ADAMTSL1: variants seen among roughly 807,000 people sequenced by gnomAD.
The protein encoded by ADAMTSL1 is ADAMTS like 1.
A neutral mutation model predicts 201.8 loss-of-function variants in ADAMTSL1; 126 were observed. The observed-to-expected ratio is 0.62, with a 90% confidence interval of 0.54 to 0.72. The LOEUF (loss-of-function observed/expected upper bound fraction) is 0.72. ADAMTSL1 is among the 30% of genes least tolerant of loss of function. The pLI, the probability that ADAMTSL1 is intolerant of heterozygous loss-of-function variation, is 0.00. For synonymous variants in ADAMTSL1, 1,121 were observed against 903.4 expected (o/e 1.24, Z -4.32); for missense variants, 2,679 against 2,277.8 (o/e 1.18, Z -3.59).
chr9:18,656,869 A>G (rs2132974785), intron 7 of ADAMTSL1, among the ~76,000 whole-genome samples: 1 of 152,002 alleles, frequency 6.6e-6, no homozygotes, highest in Non-Finnish European at 1.5e-5. Context: ...CCTTCTCTTC[A>G]GTTTATGTTT....
chr9:18,872,744 G>T (rs761968019), intron 23 of ADAMTSL1, among the ~76,000 whole-genome samples: 1 of 152,120 alleles, frequency 6.6e-6, no homozygotes, highest in South Asian at 2.1e-4. Context: ...ATTGATTGAT[G>T]GGCATTTGGG....
At chr9:18,761,184 A>G (rs905295377) in intron 16 of ADAMTSL1, among the ~76,000 whole-genome samples, 2 of 152,214 alleles carry the variant, frequency 1.3e-5, no homozygotes, top group Non-Finnish European at 2.9e-5. Flanking sequence ...AAACATAAAC[A>G]TCACTTTGTG....
intron 1 of ADAMTSL1, among the ~76,000 whole-genome samples, chr9:17,959,498 A>G (rs111271613): frequency 0.032 from 4,927 of 152,014 alleles, 280 homozygotes; most frequent in African/African-American, 0.11. Flanking sequence ...TCGCTCTGTC[A>G]CCCAGGCTGG....
chr9:18,679,004 A>G (rs1830289733), intron 10 of ADAMTSL1, among the ~76,000 whole-genome samples: 1 of 152,194 alleles, frequency 6.6e-6, no homozygotes, highest in Admixed American at 6.5e-5. Context: ...ACATAGGAAA[A>G]TATTGTATTT....
chr9:18,314,568 C>G (rs928254223), intron 2 of ADAMTSL1, among the ~76,000 whole-genome samples: 1 of 151,676 alleles, frequency 6.6e-6, no homozygotes, highest in Non-Finnish European at 1.5e-5. Flanking sequence ...TCCTTCCTCC[C>G]GTCTGGAGTT....
At chr9:18,259,194 CA>C (rs1314502648) in intron 2 of ADAMTSL1, among the ~76,000 whole-genome samples, 1 of 152,168 alleles carries the variant, frequency 6.6e-6, no homozygotes, top group Non-Finnish European at 1.5e-5. Flanking sequence ...TTACCAAAGT[CA>C]TAGCTTCCAG....
intron 1 of ADAMTSL1, among the ~76,000 whole-genome samples, chr9:18,108,247 C>G (rs889828369): frequency 7.1e-6 from 1 of 141,012 alleles, no homozygotes; most frequent in Admixed American, 7.5e-5. Flanking sequence ...GTTGCCTAGG[C>G]TGGTGTACAG....
At chr9:18,381,436 A>T (rs1031373110) in intron 2 of ADAMTSL1, among the ~76,000 whole-genome samples, 34 of 152,314 alleles carry the variant, frequency 2.2e-4, no homozygotes, top group African/African-American at 7.9e-4. Flanking sequence ...TAAATGATAA[A>T]GCTATGGCTT....
chr9:18,166,282 G>T (rs1186315745), intron 2 of ADAMTSL1, among the ~76,000 whole-genome samples: 1 of 151,822 alleles, frequency 6.6e-6, no homozygotes, highest in East Asian at 1.9e-4. Flanking sequence ...TGTGTTGAGG[G>T]TTTAATCACA....
At position 18,525,099 on chromosome 9, in the gene ADAMTSL1, ATTAT is replaced by A. The variant is rs559388406; in HGVS notation, c.192-8146_192-8143del. 8.5e-3 allele frequency among the ~76,000 whole-genome samples: 1,290 copies of A among 152,258 alleles called. 15 individuals carry two copies. Among genetic ancestry groups the A allele is most frequent in the East Asian group, 0.042 (216 of 5,176 alleles). ...ACTTTTTTTGGTTGGTAGGCTATTA[ATTAT>A]TGCCTCAATTTCAGAGCCTGTTATT... On this transcript the variant is annotated intron_variant, in intron 2 of 28. Transcript: ENST00000380548.
chr9:18,328,010 C>G (rs990943730), intron 2 of ADAMTSL1, among the ~76,000 whole-genome samples: 2 of 152,134 alleles, frequency 1.3e-5, no homozygotes, highest in African/African-American at 4.8e-5. Context: ...GAAATCCACA[C>G]TGGAAAGCTT....
At chr9:18,489,072 C>T (rs1232095027) in intron 1 of ADAMTSL1, among the ~76,000 whole-genome samples, 1 of 152,096 alleles carries the variant, frequency 6.6e-6, no homozygotes, top group Non-Finnish European at 1.5e-5. Flanking sequence ...TCCATCCCCG[C>T]AAGAGATTCT....
chr9:18,771,197 T>A (rs1820670872), intron 17 of ADAMTSL1, among the ~76,000 whole-genome samples: 1 of 152,160 alleles, frequency 6.6e-6, no homozygotes. Context: ...GCAAGTCTCT[T>A]CCAAGTTACT....
intron 21 of ADAMTSL1, among the ~76,000 whole-genome samples, chr9:18,819,636 G>C (rs1824088031): frequency 6.6e-6 from 1 of 152,198 alleles, no homozygotes; most frequent in South Asian, 2.1e-4. Context: ...ACTTCATCCA[G>C]AGGCTCACTT....
chr9:18,776,847 C>G lies in ADAMTSL1; in HGVS notation c.2618C>G (p.Thr873Ser). The change falls in exon 19 of 29, where the codon ACT becomes AGT. Residue 873 changes from threonine to serine, a missense_variant. Coordinates refer to ENST00000380548, the MANE Select transcript of ADAMTSL1 (RefSeq NM_001040272.6). ...IAAARKVYIQ[T>S]RRQRKLHFVV... ...GCCGCCAGGAAGGTCTACATACAGA[C>G]TCGCAGGCAGAGGAAGCTGCACTTC... 3 of 1,603,170 alleles carry G rather than the reference C, an allele frequency of 1.9e-6. No homozygotes were observed. Among genetic ancestry groups the G allele is most frequent in the Non-Finnish European group, 2.6e-6 (3 of 1,175,318 alleles).
At chr9:18,694,539 C>G (rs532262759) in intron 13 of ADAMTSL1, among the ~76,000 whole-genome samples, 7 of 152,276 alleles carry the variant, frequency 4.6e-5, no homozygotes, top group African/African-American at 1.7e-4. Context: ...AGACCCCGTG[C>G]AAGTCAGAAA....
rs140754497 is a variant in ADAMTSL1, at chr9:18,105,469, A to T, written c.88-58393A>T. Among the ~76,000 whole-genome samples the T allele has an allele frequency of 6.4e-3, 976 of 152,274 alleles. 6 individuals carry two copies. The highest frequency in any genetic ancestry group is 0.014 in the East Asian group (72 of 5,184). ...TACTTAATATTGCAAAATTGAAATC[A>T]CCTTATTTTGATGGAGCATTTCTAA... On this transcript the variant is annotated intron_variant, in intron 1 of 29. Transcript: ENST00000680146.
At chr9:18,413,846 G>A (rs1818557667) in intron 2 of ADAMTSL1, among the ~76,000 whole-genome samples, 1 of 152,134 alleles carries the variant, frequency 6.6e-6, no homozygotes. Context: ...GGGATTTCCA[G>A]CAGAGCTTTA....
At chr9:18,032,933 A>G (rs891199209) in intron 1 of ADAMTSL1, among the ~76,000 whole-genome samples, 1 of 152,032 alleles carries the variant, frequency 6.6e-6, no homozygotes, top group African/African-American at 2.4e-5. Flanking sequence ...CAGTGTCTGC[A>G]TCACCTCTCT....
Sources: gnomAD v4.1 joint callset for allele counts (sites outside exome capture counted in the v4.1 genomes callset) on GRCh38, gnomAD v4.1.1 for gene constraint, MANE v1.5 for transcripts, NCBI Gene and HGNC (gene_info 2026-07-23, HGNC 2026-07-21) for gene names.